Variants in MYO3A observed in about 807,000 individuals in gnomAD.
MYO3A encodes myosin-IIIa.
A neutral mutation model predicts 192.7 loss-of-function variants in MYO3A; 180 were observed. That is an observed-to-expected ratio of 0.93 (90% confidence interval 0.83 to 1.06). The LOEUF (loss-of-function observed/expected upper bound fraction) is 1.06, where lower values mean the gene tolerates loss of function less well. Ranked by LOEUF, MYO3A falls within the 50% of genes least tolerant of loss-of-function variation. The pLI, the probability that MYO3A is intolerant of heterozygous loss-of-function variation, is 0.00. For missense variants in MYO3A, 1,896 were observed against 1,905.0 expected (o/e 1.00, Z 0.09); for synonymous variants, 628 against 645.3 (o/e 0.97, Z 0.41).
At chr10:26,173,078 A>G (rs1445816792) in intron 29 of MYO3A, among the ~76,000 whole-genome samples, 1 of 151,550 alleles carries the variant, frequency 6.6e-6, no homozygotes, top group Non-Finnish European at 1.5e-5. Context: ...AGATGCAGAG[A>G]AAACCTTATC....
intron 4 of MYO3A, among the ~76,000 whole-genome samples, chr10:25,966,210 A>T (rs1588672420): frequency 6.6e-6 from 1 of 152,268 alleles, no homozygotes; most frequent in East Asian, 1.9e-4. Context: ...TATCTTCCAT[A>T]GCATGTGAAA....
At chr10:26,193,341 G>T in intron 32 of MYO3A, 30 bp downstream of exon 32, 4 of 1,535,518 alleles carry the variant, frequency 2.6e-6, no homozygotes, top group Non-Finnish European at 3.6e-6. Context: ...TATCAGATGG[G>T]AGCCATCACA....
intron 26 of MYO3A, among the ~76,000 whole-genome samples, chr10:26,160,566 G>A (rs561653756): frequency 1.1e-3 from 174 of 152,138 alleles, no homozygotes; most frequent in Admixed American, 2.8e-3. Flanking sequence ...GATCACTTGA[G>A]CCCAGGAGTT....
rs1291374792 is a variant in MYO3A at position 26,070,324 on chromosome 10, G to A, written c.1282G>A (p.Val428Ile). 1 of 1,613,056 alleles carries A rather than the reference G, an allele frequency of 6.2e-7. No homozygotes were observed. Among genetic ancestry groups the A allele is most frequent in the Admixed American group, 1.7e-5 (1 of 59,990 alleles). ...MITYNSDQCI[V>I]ISGESGAGKT... ...TTTTCTTTTCTATGTATAGTGCATT[G>A]TTATTTCTGGAGAAAGTGGTGCTGG... The change falls in exon 14 of 35, where the codon GTT becomes ATT. Residue 428 changes from valine to isoleucine, a missense_variant. Transcript: ENST00000642920.
At chr10:25,952,912 C>A (rs189668904) in intron 3 of MYO3A, among the ~76,000 whole-genome samples, 299 of 148,496 alleles carry the variant, frequency 2.0e-3, no homozygotes, top group Non-Finnish European at 3.3e-3. Flanking sequence ...TTGTGATAAG[C>A]GAAACTGCCA....
At chr10:26,107,263 C>A (rs1243415297) in intron 17 of MYO3A, among the ~76,000 whole-genome samples, 2 of 152,110 alleles carry the variant, frequency 1.3e-5, no homozygotes, top group African/African-American at 4.8e-5. Flanking sequence ...GGGTGGATCA[C>A]GAGGTCAGGA....
chr10:26,035,321 TA>T (rs1345451013), intron 10 of MYO3A, among the ~76,000 whole-genome samples: 3 of 152,214 alleles, frequency 2.0e-5, no homozygotes, highest in Non-Finnish European at 4.4e-5. Flanking sequence ...GGCAATTGAA[TA>T]ATTATTCCCT....
intron 14 of MYO3A, among the ~76,000 whole-genome samples, chr10:26,081,612 G>T (rs1337842277): frequency 1.3e-5 from 2 of 152,170 alleles, no homozygotes; most frequent in Middle Eastern, 3.2e-3. Context: ...ACAAAGTTCA[G>T]CTAAAGATTT....
In MYO3A at chr10:26,075,272, A is replaced by T. The variant is rs539238759; in HGVS notation, c.1359+4871A>T. Among the ~76,000 whole-genome samples the T allele has an allele frequency of 1.6e-3, 245 of 150,486 alleles. 1 individual carries two copies. Among genetic ancestry groups the T allele is most frequent in the Non-Finnish European group, 2.8e-3 (192 of 67,486 alleles). On this transcript the variant is annotated intron_variant, in intron 14 of 34. Coordinates refer to ENST00000642920, the MANE Select transcript of MYO3A (RefSeq NM_017433.5). Reference sequence around the variant, plus strand: ...TTGGATTTTTTCTTTTTTAATTTTTATTTATTTTTTTTAATTTTTCCATAG... The same window carrying T: ...TTGGATTTTTTCTTTTTTAATTTTTTTTTATTTTTTTTAATTTTTCCATAG...
intron 17 of MYO3A, among the ~76,000 whole-genome samples, chr10:26,110,477 G>T (rs1838096693): frequency 6.6e-6 from 1 of 152,134 alleles, no homozygotes; most frequent in Non-Finnish European, 1.5e-5. Context: ...GCCAGTATGT[G>T]AATCTCATTC....
intron 4 of MYO3A, among the ~76,000 whole-genome samples, chr10:25,974,713 C>A (rs114865593): frequency 0.012 from 1,867 of 152,130 alleles, 51 homozygotes; most frequent in African/African-American, 0.043. Context: ...GACTGTATGC[C>A]CTTATGACAA....
chr10:26,127,955 T>A (rs1839311526), intron 19 of MYO3A, among the ~76,000 whole-genome samples: 1 of 152,070 alleles, frequency 6.6e-6, no homozygotes, highest in Admixed American at 6.5e-5. Context: ...TTTAGTAAGA[T>A]TTTCAAAATT....
intron 4 of MYO3A, among the ~76,000 whole-genome samples, chr10:25,994,751 TTTCTCCTTCACTTA>T (rs1310317772): frequency 6.6e-6 from 1 of 152,252 alleles, no homozygotes; most frequent in Non-Finnish European, 1.5e-5. Context: ...AAGGATTTTA[TTTCTCCTTCACTTA>T]TGAAGCTTAA....
chr10:26,096,124 C>A (rs1023408143), intron 15 of MYO3A, among the ~76,000 whole-genome samples: 4 of 152,152 alleles, frequency 2.6e-5, no homozygotes. Flanking sequence ...ATCCCCAGCG[C>A]CTGGAACAGT....
chr10:25,966,444 G>A (rs780542844), intron 4 of MYO3A, among the ~76,000 whole-genome samples: 4 of 152,102 alleles, frequency 2.6e-5, no homozygotes, highest in African/African-American at 9.7e-5. Context: ...GTGGTTATTT[G>A]TGTTTATTAG....
At chr10:26,003,092 G>A (rs17738642) in intron 6 of MYO3A, among the ~76,000 whole-genome samples, 6,557 of 152,210 alleles carry the variant, frequency 0.043, 177 homozygotes, top group Middle Eastern at 0.068. Flanking sequence ...ATCTGCAAGG[G>A]CATCAACCTG....
chr10:26,138,968 C>T (rs1034683019), intron 20 of MYO3A, among the ~76,000 whole-genome samples: 1 of 152,214 alleles, frequency 6.6e-6, no homozygotes, highest in African/African-American at 2.4e-5. Context: ...TCATTTAACT[C>T]TGTCTGATTG....
intron 26 of MYO3A, among the ~76,000 whole-genome samples, chr10:26,163,417 G>T (rs1841577837): frequency 6.6e-6 from 1 of 152,174 alleles, no homozygotes; most frequent in Non-Finnish European, 1.5e-5. Context: ...CAGGGCAGGG[G>T]AGTGACAGTG....
At chr10:26,116,126 A>G (rs1452931987) in intron 17 of MYO3A, among the ~76,000 whole-genome samples, 1 of 152,208 alleles carries the variant, frequency 6.6e-6, no homozygotes, top group East Asian at 1.9e-4. Context: ...TAGGGCTGCC[A>G]TAACAAACTA....
Sources: allele counts gnomAD v4.1 joint callset (sites outside exome capture counted in the v4.1 genomes callset), GRCh38; gene constraint gnomAD v4.1.1; transcripts MANE v1.5; gene names NCBI Gene and HGNC (gene_info 2026-07-23, HGNC 2026-07-21).